PATL1: variants seen among roughly 807,000 people sequenced by gnomAD.
PATL1 encodes protein PAT1 homolog 1.
PATL1 carries 32 observed loss-of-function variants against 100.6 expected under a neutral mutation model. The ratio of observed to expected loss-of-function variants is 0.32; its 90% CI spans 0.24 to 0.43. PATL1 has a LOEUF of 0.43. Ranked by LOEUF, PATL1 falls within the 20% of genes least tolerant of loss-of-function variation. The pLI, the probability that PATL1 is intolerant of heterozygous loss-of-function variation, is 1.00. For synonymous variants in PATL1, 332 were observed against 330.0 expected (o/e 1.01, Z -0.07); for missense variants, 747 against 949.9 (o/e 0.79, Z 2.81).
chr11:59,655,682 C>T lies in PATL1; in HGVS notation c.872G>A (p.Ser291Asn), dbSNP rs1446083922. ...CTTGGGATTCATGGCAGCAAGTGGA[C>T]TACCAACAAATCCAGGGACCCGTGC... ...QFARVPGFVG[S>N]PLAAMNPKLL... Residue 291 changes from serine (S) to asparagine (N), a missense_variant, in exon 8 of 19, where the codon AGT (serine) becomes AAT (asparagine). Ser to Asn is a conservative substitution (Grantham distance 46). Transcript: ENST00000300146. 6.2e-7 allele frequency: 1 copy of T among 1,605,318 alleles called. No homozygotes were observed. The highest frequency in any genetic ancestry group is 1.3e-5 in the African/African-American group (1 of 74,738).
chr11:59,649,423 A>G, intron 14 of PATL1, 39 bp downstream of exon 14: 1 of 1,604,156 alleles, frequency 6.2e-7, no homozygotes, highest in South Asian at 1.1e-5. Flanking sequence ...CAGAGGAAGG[A>G]GTCCAGTTAA....
At chr11:59,661,302 T>A (rs2134759375) in intron 2 of PATL1, among the ~76,000 whole-genome samples, 1 of 152,218 alleles carries the variant, frequency 6.6e-6, no homozygotes, top group East Asian at 1.9e-4. Context: ...CCCAGACTGG[T>A]CTTAAGCTCC....
intron 2 of PATL1, among the ~76,000 whole-genome samples, chr11:59,665,830 CA>C (rs1861679734): frequency 6.6e-6 from 1 of 151,744 alleles, no homozygotes; most frequent in South Asian, 2.1e-4. Flanking sequence ...ATTTAAATTT[CA>C]ATTTATTACT....
Position 59,657,679 on chromosome 11 carries a change from G to C in PATL1, c.472C>G (p.Pro158Ala), listed in dbSNP as rs375272798. 6.2e-7 allele frequency: 1 copy of C among 1,613,534 alleles called. No homozygotes were observed. The highest frequency in any genetic ancestry group is 1.1e-5 in the South Asian group (1 of 91,050). Residue 158 changes from proline to alanine, a missense_variant, in exon 5 of 19, where the codon CCC (proline) becomes GCC (alanine). By Grantham distance (27) the Pro-to-Ala change is conservative (BLOSUM62 -1). Transcript: ENST00000300146. ...CGATCATCTTCTGGACCCTGGGGGGGCCTCTGAGGCAAAGCATATTCTAAT... is the reference window on the plus strand; with the variant it reads ...CGATCATCTTCTGGACCCTGGGGGGCCCTCTGAGGCAAAGCATATTCTAAT... ...SVLEYALPQR[P>A]PQGPEDDRDL... is the part of the protein sequence containing the mutation.
intron 2 of PATL1, among the ~76,000 whole-genome samples, chr11:59,663,939 C>A (rs1275288203): frequency 6.6e-6 from 1 of 152,112 alleles, no homozygotes; most frequent in Non-Finnish European, 1.5e-5. Flanking sequence ...CACAGGTTGA[C>A]TTGGAAAACA....
At chr11:59,663,884 T>C (rs927194971) in intron 2 of PATL1, among the ~76,000 whole-genome samples, 2 of 152,160 alleles carry the variant, frequency 1.3e-5, no homozygotes, top group African/African-American at 4.8e-5. Context: ...ATTTAAACTC[T>C]CTATACCAGC....
chr11:59,653,530 A>G (rs1434329320), intron 9 of PATL1, among the ~76,000 whole-genome samples: 2 of 152,220 alleles, frequency 1.3e-5, no homozygotes, highest in Non-Finnish European at 2.9e-5. Flanking sequence ...CCAAGACCCA[A>G]TAGAAAAAAA....
chr11:59,654,279 C>A (rs1427563661), intron 8 of PATL1, among the ~76,000 whole-genome samples: 1 of 151,988 alleles, frequency 6.6e-6, no homozygotes, highest in Non-Finnish European at 1.5e-5. Context: ...GAGTTCGAGA[C>A]CAGCCTGGCC....
In PATL1 at chr11:59,659,052, A is replaced by C. The variant is rs1861589914; in HGVS notation, c.346-106T>G. On this transcript the variant is annotated intron_variant, in intron 3 of 18. Coordinates refer to ENST00000300146, the MANE Select transcript of PATL1 (RefSeq NM_152716.3). ...CCAAAAGAGCCTCAAGCTGCTTTAG[A>C]ATACGAAATTATAGGGCTCCAGAAT... 2.9e-5 allele frequency: 32 copies of C among 1,118,772 alleles called. 1 individual carries two copies. The South Asian group carries it at 4.5e-4, about 16-fold the overall frequency. 69.3% of individuals were successfully genotyped at this position (1,118,772 alleles called of 1,614,324 possible).
chr11:59,647,778 A>C lies in PATL1; in HGVS notation c.1869T>G (p.Leu623=). ...CCTCATCTTGTGCATCCTTCTTGAT[A>C]AGGAAAGGGAGGTTCCTGGCTGTTG... The part of the protein sequence containing the change: ...LMTTARNLPF[L]IKKDAQDEVL... The change falls in exon 15 of 19, where the codon CTT becomes CTG. Residue 623 remains leucine, a synonymous_variant. Coordinates refer to ENST00000300146, the MANE Select transcript of PATL1 (RefSeq NM_152716.3). 1.2e-6 allele frequency: 2 copies of C among 1,613,958 alleles called. No homozygotes were observed. Among genetic ancestry groups the C allele is most frequent in the Non-Finnish European group, 1.7e-6 (2 of 1,179,864 alleles).
Position 59,648,276 on chromosome 11 carries a change from C to CCTGGGTT in PATL1, c.1734-370_1734-364dup, listed in dbSNP as rs1411215175. On this transcript the variant is annotated intron_variant, in intron 14 of 18. Coordinates refer to ENST00000300146, the MANE Select transcript of PATL1 (RefSeq NM_152716.3). Reference sequence around the variant, plus strand: ...TCTTGGTTCATTGCAGCCTCCACCTCCTGGGTTCAAGTGATTCTCCTGCCT... The same window carrying CCTGGGTT: ...TCTTGGTTCATTGCAGCCTCCACCTCCTGGGTTCTGGGTTCAAGTGATTCTCCTGCCT... 1.6e-4 allele frequency among the ~76,000 whole-genome samples: 24 copies of CCTGGGTT among 149,474 alleles called. No homozygotes were observed. In the South Asian group the frequency reaches 2.9e-3, roughly 18 times the overall value.
Position 59,658,912 on chromosome 11 carries a change from T to C in PATL1, c.380A>G (p.Asp127Gly). The change falls in exon 4 of 19, where the codon GAT becomes GGT. Residue 127 changes from aspartate to glycine, a missense_variant. Asp to Gly is a moderately conservative substitution (Grantham distance 94, BLOSUM62 -1). This residue lies in a region of PATL1 where 183 missense variants were observed against 221.2 expected (regional missense o/e 0.83). Transcript: ENST00000300146. ...QPGSLNSSIWDGSEVLRRIRG... is the reference protein window; with the variant it reads ...QPGSLNSSIWGGSEVLRRIRG... Reference sequence around the variant, plus strand: ...GATTCGCCTCAGAACTTCAGATCCATCCCAGATACTGGAATTCAGACTTCC... The same window carrying C: ...GATTCGCCTCAGAACTTCAGATCCACCCCAGATACTGGAATTCAGACTTCC... The C allele has an allele frequency of 6.5e-7, 1 of 1,550,208 alleles. No individual in the cohort carries two copies. Among genetic ancestry groups the C allele is most frequent in the Non-Finnish European group, 8.7e-7 (1 of 1,146,684 alleles).
At chr11:59,661,043 G>GTA (rs1861618139) in intron 2 of PATL1, among the ~76,000 whole-genome samples, 1 of 152,054 alleles carries the variant, frequency 6.6e-6, no homozygotes, top group Non-Finnish European at 1.5e-5. Flanking sequence ...ATTCCATTCT[G>GTA]CTTCCATCAT....
chr11:59,639,268 A>G (rs1028730358), intron 17 of PATL1, 24 bp downstream of exon 17: 2 of 1,564,798 alleles, frequency 1.3e-6, no homozygotes, highest in East Asian at 4.8e-5. Context: ...ACTTAAAATA[A>G]GAGAAGAAAC....
intron 2 of PATL1, among the ~76,000 whole-genome samples, chr11:59,666,469 A>G (rs1436547625): frequency 1.3e-5 from 2 of 152,202 alleles, no homozygotes; most frequent in Non-Finnish European, 2.9e-5. Flanking sequence ...TGAATTTTCT[A>G]CTAGTACACT....
chr11:59,668,211 G>A (rs373734738), intron 1 of PATL1, among the ~76,000 whole-genome samples: 1 of 152,174 alleles, frequency 6.6e-6, no homozygotes, highest in African/African-American at 2.4e-5. Flanking sequence ...CCAGAGATTA[G>A]GAGTCACTCA....
intron 15 of PATL1, among the ~76,000 whole-genome samples, chr11:59,646,960 C>T (rs1366417154): frequency 6.6e-6 from 1 of 152,066 alleles, no homozygotes; most frequent in Non-Finnish European, 1.5e-5. Context: ...TAGCTCAAGC[C>T]TGTAATCCCA....
intron 14 of PATL1, among the ~76,000 whole-genome samples, chr11:59,648,179 T>G (rs1306983903): frequency 6.7e-6 from 1 of 150,298 alleles, no homozygotes; most frequent in African/African-American, 2.5e-5. Context: ...TTCCTTAACT[T>G]TTTTTCTTTT....
chr11:59,648,930 A>G (rs562755254), intron 14 of PATL1, among the ~76,000 whole-genome samples: 1 of 152,350 alleles, frequency 6.6e-6, no homozygotes, highest in East Asian at 1.9e-4. Context: ...TCTTGAATAC[A>G]TCGAATAAGT....
Sources: allele counts gnomAD v4.1 joint callset (sites outside exome capture counted in the v4.1 genomes callset), GRCh38; gene constraint gnomAD v4.1.1; regional missense constraint gnomAD v4.1.1; transcripts MANE v1.5; gene names NCBI Gene and HGNC (gene_info 2026-07-23, HGNC 2026-07-21).